Variants in PARN observed in about 807,000 individuals in gnomAD.
PARN encodes the protein poly(A)-specific ribonuclease PARN.
PARN carries 71 observed loss-of-function variants against 102.8 expected under a neutral mutation model. That is an observed-to-expected ratio of 0.69 (90% CI 0.57 to 0.84). The LOEUF is 0.84. PARN is among the 40% of genes least tolerant of loss of function. The pLI is 0.00. For synonymous variants in PARN, 261 were observed against 252.9 expected (o/e 1.03, Z -0.30); for missense variants, 782 against 760.9 (o/e 1.03, Z -0.33).
chr16:14,435,896 T>TCTCA lies in PARN; in HGVS notation c.*820_*821insTGAG, dbSNP rs767942651. 1.5e-5 allele frequency: 2 copies of TCTCA among 131,076 alleles called. No individual in the cohort carries two copies. Among genetic ancestry groups the TCTCA allele is most frequent in the East Asian group, 2.4e-4 (1 of 4,132 alleles). 8.1% of individuals were successfully genotyped at this position (131,076 alleles called of 1,614,324 possible). ...GGACATGTTGTAGATTTGCACGATT[T>TCTCA]CACACACACACACACACACACACAC... On this transcript the variant is annotated 3_prime_UTR_variant, in exon 24 of 24. Transcript: ENST00000437198.
At chr16:14,468,302 G>T (rs762060560) in intron 22 of PARN, among the ~76,000 whole-genome samples, 3 of 152,302 alleles carry the variant, frequency 2.0e-5, no homozygotes, top group Non-Finnish European at 4.4e-5. Flanking sequence ...GTGTGTTATG[G>T]TGCCTGGCAC....
intron 18 of PARN, among the ~76,000 whole-genome samples, chr16:14,576,656 T>C (rs750363454): frequency 1.9e-4 from 29 of 152,200 alleles, no homozygotes; most frequent in Non-Finnish European, 4.0e-4. Context: ...TAAAAGCAGG[T>C]AAATCATTTG....
intron 3 of PARN, 94 bp downstream of exon 3, chr16:14,628,069 CACTTACAAA>C: frequency 1.3e-6 from 1 of 742,364 alleles, no homozygotes; most frequent in Non-Finnish European, 2.3e-6. Context: ...GAAAATACTG[CACTTACAAA>C]ACCTTAATGC....
intron 22 of PARN, among the ~76,000 whole-genome samples, chr16:14,455,331 T>G (rs1961629585): frequency 6.6e-6 from 1 of 152,188 alleles, no homozygotes; most frequent in South Asian, 2.1e-4. Flanking sequence ...TTGCCTTGAT[T>G]TTGCTCTTAA....
chr16:14,581,036 G>A, intron 17 of PARN, 93 bp from the exon 18 acceptor site: 1 of 706,842 alleles, frequency 1.4e-6, no homozygotes, highest in Non-Finnish European at 2.5e-6. Flanking sequence ...TAACAGCATG[G>A]TTCAACAAGT....
At chr16:14,591,951 T>C (rs1970221998) in intron 13 of PARN, 1 of 151,128 alleles carries the variant, frequency 6.6e-6, no homozygotes, top group Non-Finnish European at 1.5e-5. Flanking sequence ...GGCAGGAGAA[T>C]CACTTGAACC....
intron 9 of PARN, 142 bp from the exon 10 acceptor site, chr16:14,606,668 G>A (rs1971203466): frequency 2.1e-6 from 1 of 465,752 alleles, no homozygotes; most frequent in African/African-American, 2.0e-5. Flanking sequence ...AGACTTTACA[G>A]CACATTTATT....
intron 13 of PARN, among the ~76,000 whole-genome samples, chr16:14,588,275 G>C (rs939575276): frequency 6.6e-6 from 1 of 152,158 alleles, no homozygotes; most frequent in Non-Finnish European, 1.5e-5. Context: ...GGAAAAAGGA[G>C]AGCAACAAGG....
intron 22 of PARN, among the ~76,000 whole-genome samples, chr16:14,466,227 T>C (rs995617333): frequency 1.9e-4 from 29 of 152,246 alleles, no homozygotes; most frequent in East Asian, 7.7e-4. Context: ...TGAAAGTGGT[T>C]GTCTCTGAGG....
At chr16:14,535,239 G>C (rs1299064064) in intron 21 of PARN, among the ~76,000 whole-genome samples, 1 of 152,108 alleles carries the variant, frequency 6.6e-6, no homozygotes, top group African/African-American at 2.4e-5. Flanking sequence ...GTAAACCCCT[G>C]GTCTGAGGTG....
chr16:14,459,070 C>T (rs941661800), intron 22 of PARN, among the ~76,000 whole-genome samples: 2 of 152,112 alleles, frequency 1.3e-5, no homozygotes, highest in Non-Finnish European at 2.9e-5. Context: ...TCATATTTAA[C>T]GTTGAAAGAT....
intron 22 of PARN, among the ~76,000 whole-genome samples, chr16:14,469,075 G>A (rs1162770150): frequency 3.9e-5 from 6 of 152,036 alleles, no homozygotes; most frequent in African/African-American, 1.4e-4. Context: ...AGGTGGGTGG[G>A]TCATCTGAGG....
intron 5 of PARN, among the ~76,000 whole-genome samples, chr16:14,618,815 C>T (rs1567459568): frequency 6.6e-6 from 1 of 152,080 alleles, no homozygotes; most frequent in Non-Finnish European, 1.5e-5. Context: ...TTAACACAGG[C>T]ACATGCACAG....
intron 21 of PARN, among the ~76,000 whole-genome samples, chr16:14,496,773 CA>C (rs1964338336): frequency 6.6e-6 from 1 of 152,182 alleles, no homozygotes; most frequent in Non-Finnish European, 1.5e-5. Context: ...CAAAGAAGTA[CA>C]AACAGATACC....
chr16:14,491,010 G>A (rs1230122381), intron 21 of PARN, among the ~76,000 whole-genome samples: 1 of 151,956 alleles, frequency 6.6e-6, no homozygotes, highest in Non-Finnish European at 1.5e-5. Flanking sequence ...GATCTCAGAT[G>A]TATTTCCCCT....
intron 21 of PARN, among the ~76,000 whole-genome samples, chr16:14,534,238 A>G (rs1389906203): frequency 1.3e-5 from 2 of 151,914 alleles, no homozygotes; most frequent in African/African-American, 4.8e-5. Flanking sequence ...AAAAAAAAAA[A>G]AGGCAATACT....
intron 22 of PARN, among the ~76,000 whole-genome samples, chr16:14,465,079 T>A (rs960007509): frequency 1.3e-5 from 2 of 152,208 alleles, no homozygotes; most frequent in East Asian, 1.9e-4. Context: ...TTCTTTTTTT[T>A]AAATGAGATA....
chr16:14,490,427 T>G (rs1964000249), intron 21 of PARN, among the ~76,000 whole-genome samples: 2 of 152,208 alleles, frequency 1.3e-5, no homozygotes, highest in Admixed American at 6.5e-5. Context: ...TACATCTGTC[T>G]GCAAGGAAGC....
chr16:14,584,332 G>C lies in PARN; in HGVS notation c.1081+15C>G, dbSNP rs1361639880. 1 of 1,576,472 alleles carries C rather than the reference G, an allele frequency of 6.3e-7. No homozygotes were observed. The highest frequency in any genetic ancestry group is 8.7e-7 in the Non-Finnish European group (1 of 1,146,388). ...TTACAAAGAGTTTGGAGGGTTTCCG[G>C]TTTAATATTCTTACCAACTTTAGGA... On this transcript the variant is annotated intron_variant, in intron 16 of 23. Coordinates refer to ENST00000437198, the MANE Select transcript of PARN (RefSeq NM_002582.4).
Sources: allele counts gnomAD v4.1 joint callset (sites outside exome capture counted in the v4.1 genomes callset), GRCh38; gene constraint gnomAD v4.1.1; transcripts MANE v1.5; gene names NCBI Gene and HGNC (gene_info 2026-07-23, HGNC 2026-07-21).